Variants in CROCC observed in about 807,000 individuals in gnomAD.
The protein encoded by CROCC is rootletin.
CROCC carries 180 observed loss-of-function variants against 245.2 expected under a neutral mutation model. The ratio of observed to expected loss-of-function variants is 0.73; its 90% CI spans 0.65 to 0.83. The LOEUF is 0.83. Ranked by LOEUF, CROCC falls within the 40% of genes least tolerant of loss-of-function variation. The pLI, the probability that CROCC is intolerant of heterozygous loss-of-function variation, is 0.00. For synonymous variants in CROCC, 1,205 were observed against 1,241.6 expected (o/e 0.97, Z 0.62); for missense variants, 2,688 against 2,779.4 (o/e 0.97, Z 0.74).
rs1301899932 is a variant in CROCC at position 16,931,402 on chromosome 1, G to A, written c.956+5G>A. On this transcript the variant is annotated splice_donor_5th_base_variant and intron_variant, in intron 8 of 36. Transcript: ENST00000375541. ...GGTGAAGATGTTCACTGAGAGGTGA[G>A]GCCTGGCCGGGGACGGGGCAGCAGC... is the stretch of plus-strand genomic sequence containing the variant. The A allele has an allele frequency of 2.5e-6, 4 of 1,608,300 alleles. No homozygotes were observed. In the African/African-American group the frequency reaches 5.3e-5, roughly 21 times the overall value.
chr1:16,956,049 G>T lies in CROCC; in HGVS notation c.3757G>T (p.Ala1253Ser), dbSNP rs1308786864. ...KEQKLALLEE[A>S]RTAVGKEAGE... is the part of the protein sequence containing the mutation. ...GCAGAAGCTGGCACTCCTAGAGGAGGCACGGACAGCTGTGGGCAAGGAGGC... is the reference window on the plus strand; with the variant it reads ...GCAGAAGCTGGCACTCCTAGAGGAGTCACGGACAGCTGTGGGCAAGGAGGC... The change falls in exon 25 of 37, where the codon GCA (alanine) becomes TCA (serine). Residue 1253 changes from alanine to serine, a missense_variant. This residue lies in a region of CROCC where 1,218 missense variants were observed against 1,286.3 expected (regional missense o/e 0.95). Transcript: ENST00000375541. The T allele has an allele frequency of 1.9e-6, 3 of 1,551,056 alleles. No individual in the cohort carries two copies. The highest frequency in any genetic ancestry group is 2.7e-5 in the African/African-American group (2 of 73,066).
intron 14 of CROCC, among the ~76,000 whole-genome samples, 161 bp downstream of exon 14, chr1:16,944,443 G>A (rs2076002962): frequency 6.6e-6 from 1 of 152,260 alleles, no homozygotes; most frequent in African/African-American, 2.4e-5. Context: ...TCAGGAAACT[G>A]GGGCTCAGGG....
chr1:16,946,416 C>A lies in CROCC; in HGVS notation c.2283+11C>A. 1 of 1,606,848 alleles carries A rather than the reference C, an allele frequency of 6.2e-7. No individual in the cohort carries two copies. Among genetic ancestry groups the A allele is most frequent in the South Asian group, 1.1e-5 (1 of 90,364 alleles). ...CGCCTTGTCGCCCAGGTACGCTGTG[C>A]ACCTGCGGGCCCACCTGCCTTGCCC... On this transcript the variant is annotated intron_variant, in intron 16 of 36. Coordinates refer to ENST00000375541, the MANE Select transcript of CROCC (RefSeq NM_014675.5).
intron 27 of CROCC, among the ~76,000 whole-genome samples, 155 bp from the exon 28 acceptor site, chr1:16,965,568 G>A (rs2076402566): frequency 6.6e-6 from 1 of 152,182 alleles, no homozygotes; most frequent in South Asian, 2.1e-4. Context: ...GGGTGAGAGG[G>A]TTTCAGCTGG....
chr1:16,937,979 G>T (rs1451944944), intron 10 of CROCC, among the ~76,000 whole-genome samples: 2 of 152,280 alleles, frequency 1.3e-5, no homozygotes, highest in African/African-American at 2.4e-5. Context: ...CCCAAGAGGG[G>T]TAATGCTTGT....
chr1:16,953,258 G>T, intron 20 of CROCC, 44 bp from the exon 21 acceptor site: 1 of 1,532,056 alleles, frequency 6.5e-7, no homozygotes, highest in Non-Finnish European at 8.8e-7. Context: ...GTCTGCCTGG[G>T]CCCCCTCCTG....
intron 25 of CROCC, among the ~76,000 whole-genome samples, chr1:16,956,770 G>A (rs537099889): frequency 9.9e-5 from 15 of 152,090 alleles, no homozygotes; most frequent in South Asian, 8.3e-4. Context: ...TTGTAGAAAC[G>A]GGAGATGGGC....
At chr1:16,927,349 A>G (rs2075557180) in intron 3 of CROCC, among the ~76,000 whole-genome samples, 1 of 152,254 alleles carries the variant, frequency 6.6e-6, no homozygotes. Flanking sequence ...GGAAAAGCAT[A>G]CAGTTCAACA....
In CROCC at chr1:16,924,538, G is replaced by A. The variant is rs1283220016; in HGVS notation, c.351+59G>A. 1.7e-5 allele frequency: 27 copies of A among 1,584,838 alleles called. No individual in the cohort carries two copies. The Admixed American group carries it at 3.3e-4, about 19-fold the overall frequency. On this transcript the variant is annotated intron_variant, in intron 3 of 36. Coordinates refer to ENST00000375541, the MANE Select transcript of CROCC (RefSeq NM_014675.5). ...GTTCCCCTCGTTCAAGGGCAGGGAG[G>A]CATCTAGACCAGGCCCACACACGGG...
At chr1:16,971,285 G>A (rs923599746) in intron 35 of CROCC, among the ~76,000 whole-genome samples, 180 bp from the exon 36 acceptor site, 88 of 151,468 alleles carry the variant, frequency 5.8e-4, no homozygotes, top group African/African-American at 2.0e-3. Flanking sequence ...GTCATTGGGT[G>A]CACTCATCCT....
At chr1:16,948,985 C>A in intron 19 of CROCC, 59 bp downstream of exon 19, 1 of 1,590,010 alleles carries the variant, frequency 6.3e-7, no homozygotes, top group Non-Finnish European at 8.6e-7. Context: ...TGCAGCCTCC[C>A]AAGGTCTGGG....
chr1:16,966,826 G>A lies in CROCC; in HGVS notation c.4860+255G>A, dbSNP rs546119826. 5.3e-5 allele frequency among the ~76,000 whole-genome samples: 8 copies of A among 152,244 alleles called. No homozygotes were observed. Among genetic ancestry groups the A allele is most frequent in the Non-Finnish European group, 7.4e-5 (5 of 68,010 alleles). ...TGTAATCCTAGCACTTTGGGAGGTC[G>A]AGGCAGGTGGATCCCTTGAGCACAG... On this transcript the variant is annotated intron_variant, in intron 30 of 36. Coordinates refer to ENST00000375541, the MANE Select transcript of CROCC (RefSeq NM_014675.5). This position sits in a 1 kb window ranked among gnomAD's most constrained non-coding sequence, Gnocchi z 4.8.
chr1:16,966,619 CGAGT>C lies in CROCC; in HGVS notation c.4860+54_4860+57del. 6.9e-7 allele frequency: 1 copy of C among 1,439,600 alleles called. No individual in the cohort carries two copies. The highest frequency in any genetic ancestry group is 1.4e-5 in the South Asian group (1 of 70,274). 89.2% of individuals were successfully genotyped at this position (1,439,600 alleles called of 1,614,324 possible). ...CGGGGCGACGGGGAATCTGTGTACC[CGAGT>C]GAGTGTCTAACTCTTATGTGTGTCT... On this transcript the variant is annotated intron_variant, in intron 30 of 36. Transcript: ENST00000375541. The surrounding 1 kb of genome is among the most constrained non-coding windows in gnomAD (Gnocchi z 4.8).
Position 16,929,844 on chromosome 1 carries a change from A to C in CROCC, c.352-2A>C, listed in dbSNP as rs1308478663. The C allele has an allele frequency of 6.5e-7, 1 of 1,549,480 alleles. No homozygotes were observed. The highest frequency in any genetic ancestry group is 8.7e-7 in the Non-Finnish European group (1 of 1,150,712). Reference sequence around the variant, plus strand: ...ACTCTCACCCAGGGCCCTTCCCTGCAGCTGGAGCAGGCTCTGCGGCTGGAG... The same window carrying C: ...ACTCTCACCCAGGGCCCTTCCCTGCCGCTGGAGCAGGCTCTGCGGCTGGAG... On this transcript the variant is annotated splice_acceptor_variant, in intron 3 of 36. Coordinates refer to ENST00000375541, the MANE Select transcript of CROCC (RefSeq NM_014675.5). LOFTEE classifies it high-confidence loss of function.
chr1:16,921,832 TC>T, upstream of CROCC: 1 of 615,236 alleles, frequency 1.6e-6, no homozygotes, highest in Non-Finnish European at 2.9e-6. Context: ...TCCTGTCCTT[TC>T]CCATCCCCTC....
intron 30 of CROCC, 125 bp from the exon 31 acceptor site, chr1:16,968,078 G>A: frequency 1.1e-6 from 1 of 924,578 alleles, no homozygotes; most frequent in Non-Finnish European, 1.7e-6. Context: ...TCCCAGGCCG[G>A]CCCCAGGTCA....
At chr1:16,963,978 G>C (rs1450861810) in intron 27 of CROCC, among the ~76,000 whole-genome samples, 1 of 151,740 alleles carries the variant, frequency 6.6e-6, no homozygotes, top group Non-Finnish European at 1.5e-5. Flanking sequence ...TGTATTTTTA[G>C]TAGAGATGGG....
Position 16,944,229 on chromosome 1 carries a change from G to A in CROCC, c.1938G>A (p.Glu646=). The change falls in exon 14 of 37, where the codon GAG becomes GAA. Residue 646 remains glutamate, a synonymous_variant. Coordinates refer to ENST00000375541, the MANE Select transcript of CROCC (RefSeq NM_014675.5). Reference sequence around the variant, plus strand: ...GCCAGCGGGACCGGCTGGAGGAAGAGCAGGAGGACGCAGTGCAGGATGGCG... The same window carrying A: ...GCCAGCGGGACCGGCTGGAGGAAGAACAGGAGGACGCAGTGCAGGATGGCG... The part of the protein sequence containing the change: ...LRRQRDRLEE[E]QEDAVQDGAR... 6.4e-7 allele frequency: 1 copy of A among 1,554,370 alleles called. No homozygotes were observed. Among genetic ancestry groups the A allele is most frequent in the Non-Finnish European group, 8.7e-7 (1 of 1,149,158 alleles).
chr1:16,930,094 T>C, intron 4 of CROCC, 30 bp from the exon 5 acceptor site: 2 of 1,578,688 alleles, frequency 1.3e-6, no homozygotes, highest in South Asian at 1.2e-5. Flanking sequence ...CCCCAACCCC[T>C]GGGGCTCACC....
Sources: gnomAD v4.1 joint callset for allele counts (sites outside exome capture counted in the v4.1 genomes callset) on GRCh38, gnomAD v4.1.1 for gene constraint, gnomAD v4.1.1 regional missense constraint, Gnocchi (gnomAD v3.1) non-coding constraint, MANE v1.5 for transcripts, NCBI Gene and HGNC (gene_info 2026-07-23, HGNC 2026-07-21) for gene names.